MREG: variants seen among roughly 807,000 people sequenced by gnomAD.
The protein encoded by MREG is dilute suppressor protein homolog.
A neutral mutation model predicts 28.5 loss-of-function variants in MREG; 31 were observed. The ratio of observed to expected loss-of-function variants is 1.09; its 90% CI spans 0.82 to 1.47. The LOEUF is 1.47. Ranked by LOEUF, MREG falls within the 40% of genes most tolerant of loss-of-function variation. MREG has a pLI of 0.00. For missense variants in MREG, 256 were observed against 257.4 expected (o/e 0.99, Z 0.04); for synonymous variants, 106 against 95.2 (o/e 1.11, Z -0.66).
upstream of MREG, among the ~76,000 whole-genome samples, chr2:216,033,505 G>C (rs1559204527): frequency 6.6e-6 from 1 of 152,024 alleles, no homozygotes; most frequent in Non-Finnish European, 1.5e-5. Context: ...TGGCAGAAAA[G>C]GGCAAAATAA....
chr2:215,950,599 T>G (rs1031408538), intron 2 of MREG, among the ~76,000 whole-genome samples: 5 of 152,262 alleles, frequency 3.3e-5, no homozygotes, highest in Admixed American at 2.6e-4. Flanking sequence ...ACTTCCATAT[T>G]ATTACTGTCT....
intron 2 of MREG, among the ~76,000 whole-genome samples, chr2:215,971,111 G>A (rs937039160): frequency 2.0e-5 from 3 of 152,044 alleles, no homozygotes; most frequent in African/African-American, 7.3e-5. Flanking sequence ...ATGGGGGTGG[G>A]GAGGACATCA....
chr2:216,010,300 G>A (rs1220941041), intron 1 of MREG, among the ~76,000 whole-genome samples: 2 of 151,088 alleles, frequency 1.3e-5, no homozygotes, highest in Non-Finnish European at 3.0e-5. Flanking sequence ...GTGGCCCTGC[G>A]GAAACCTTGA....
intron 2 of MREG, among the ~76,000 whole-genome samples, chr2:215,947,902 T>C (rs1415442355): frequency 6.6e-6 from 1 of 152,206 alleles, no homozygotes; most frequent in Non-Finnish European, 1.5e-5. Flanking sequence ...GGGGTCTTTA[T>C]TGAGATAAGT....
intron 2 of MREG, among the ~76,000 whole-genome samples, chr2:215,982,823 A>G (rs1398595404): frequency 6.6e-6 from 1 of 152,202 alleles, no homozygotes; most frequent in Non-Finnish European, 1.5e-5. Flanking sequence ...CAAAGTCTCT[A>G]ATCATCTGAG....
intron 1 of MREG, among the ~76,000 whole-genome samples, chr2:216,024,376 A>G (rs1214935273): frequency 6.6e-6 from 1 of 151,910 alleles, no homozygotes; most frequent in East Asian, 1.9e-4. Context: ...ATCTCAACTA[A>G]AAATACAAAA....
intron 2 of MREG, among the ~76,000 whole-genome samples, chr2:215,969,734 G>A (rs975767999): frequency 6.6e-6 from 1 of 152,018 alleles, no homozygotes; most frequent in Non-Finnish European, 1.5e-5. Context: ...AAGGGCAGAC[G>A]ATGACTCTAC....
upstream of MREG, among the ~76,000 whole-genome samples, chr2:216,016,784 T>C (rs1373947995): frequency 6.6e-6 from 1 of 152,242 alleles, no homozygotes; most frequent in Non-Finnish European, 1.5e-5. Flanking sequence ...AGGCATCTTT[T>C]ATGTGGTTTG....
intron 1 of MREG, among the ~76,000 whole-genome samples, chr2:216,000,075 C>T (rs1693975891): frequency 6.6e-6 from 1 of 152,240 alleles, no homozygotes; most frequent in Non-Finnish European, 1.5e-5. Context: ...CTTTCTGCAG[C>T]CAATGATATG....
chr2:215,956,931 A>G (rs1692641378), intron 2 of MREG, among the ~76,000 whole-genome samples: 1 of 152,078 alleles, frequency 6.6e-6, no homozygotes, highest in Non-Finnish European at 1.5e-5. Flanking sequence ...TGAGACGGAT[A>G]CCCTTATAAT....
chr2:215,950,660 T>C (rs747200675), intron 2 of MREG, among the ~76,000 whole-genome samples: 27 of 152,196 alleles, frequency 1.8e-4, no homozygotes, highest in Non-Finnish European at 3.2e-4. Context: ...ATCTGGAAAT[T>C]TTATGCAAAA....
At chr2:215,980,939 G>A (rs192865472) in intron 2 of MREG, among the ~76,000 whole-genome samples, 5 of 152,100 alleles carry the variant, frequency 3.3e-5, no homozygotes, top group African/African-American at 1.2e-4. Flanking sequence ...GAAGGGAACG[G>A]AAGAGAAGGG....
At chr2:216,009,557 C>T (rs926756380) in intron 1 of MREG, among the ~76,000 whole-genome samples, 2 of 152,152 alleles carry the variant, frequency 1.3e-5, no homozygotes, top group African/African-American at 4.8e-5. Flanking sequence ...TGCCAAAAGA[C>T]CTGAGCGTCT....
At chr2:216,006,673 A>G (rs1318748551) in intron 1 of MREG, among the ~76,000 whole-genome samples, 3 of 152,384 alleles carry the variant, frequency 2.0e-5, no homozygotes, top group African/African-American at 7.2e-5. Flanking sequence ...TCTCACTGAC[A>G]TAAACGTACT....
chr2:215,944,750 T>C lies in MREG; in HGVS notation c.*113A>G. ...TACATTTATGTAGAATTCAGTATCA[T>C]TTTTCACTAAGCAAACTCTATTTGC... On this transcript the variant is annotated 3_prime_UTR_variant, in exon 5 of 5. Transcript: ENST00000263268. The C allele has an allele frequency of 8.8e-7, 1 of 1,136,712 alleles. No homozygotes were observed. The highest frequency in any genetic ancestry group is 2.3e-5 in the South Asian group (1 of 43,000). The allele number at this position is 1,136,712 out of a possible 1,614,324, so 70.4% of individuals were successfully genotyped here.
At chr2:215,964,505 A>AGAAC (rs59637691) in intron 2 of MREG, among the ~76,000 whole-genome samples, 3 of 151,734 alleles carry the variant, frequency 2.0e-5, no homozygotes, top group Admixed American at 2.0e-4. Flanking sequence ...AAAGAAAGAA[A>AGAAC]AGAACAGAAA....
At chr2:216,007,063 T>C (rs1451336120) in intron 1 of MREG, among the ~76,000 whole-genome samples, 1 of 152,168 alleles carries the variant, frequency 6.6e-6, no homozygotes, top group Non-Finnish European at 1.5e-5. Context: ...AGCATATGAA[T>C]CCCAGTTCGA....
chr2:216,029,767 C>T (rs1694651493), intron 1 of MREG, among the ~76,000 whole-genome samples: 1 of 152,212 alleles, frequency 6.6e-6, no homozygotes, highest in East Asian at 1.9e-4. Context: ...GGCAAAGTTG[C>T]ACAGCAAATC....
At chr2:216,031,691 G>GAGAGAAAGAAAGAAAGAAAGAAAGAA (rs1694712087) in intron 1 of MREG, among the ~76,000 whole-genome samples, 5 of 61,102 alleles carry the variant, frequency 8.2e-5, no homozygotes, top group Admixed American at 4.1e-4. Flanking sequence ...AAGAAAGAAA[G>GAGAGAAAGAAAGAAAGAAAGAAAGAA]AGAAAGAAAG....
Sources: allele counts gnomAD v4.1 joint callset (sites outside exome capture counted in the v4.1 genomes callset), GRCh38; gene constraint gnomAD v4.1.1; transcripts MANE v1.5; gene names NCBI Gene and HGNC (gene_info 2026-07-23, HGNC 2026-07-21).